ANKS1B: variants seen among roughly 807,000 people sequenced by gnomAD.
ANKS1B encodes the protein ankyrin repeat and sterile alpha motif domain containing 1B.
ANKS1B carries 36 observed loss-of-function variants against 148.3 expected under a neutral mutation model. The ratio of observed to expected loss-of-function variants is 0.24; its 90% CI spans 0.19 to 0.32. The LOEUF is 0.32. Ranked by LOEUF, ANKS1B falls within the 10% of genes least tolerant of loss-of-function variation. The pLI is 1.00. For missense variants in ANKS1B, 1,157 were observed against 1,542.6 expected, an observed-to-expected ratio of 0.75 and a Z score of 4.19; for synonymous variants, 542 against 560.8, an observed-to-expected ratio of 0.97 and a Z score of 0.47.
At chr12:99,146,990 C>T (rs1263267078) in intron 15 of ANKS1B, among the ~76,000 whole-genome samples, 2 of 152,118 alleles carry the variant, frequency 1.3e-5, no homozygotes, top group African/African-American at 4.8e-5. Flanking sequence ...TGGCTGCTTT[C>T]ATGCTACAAT....
At chr12:99,461,275 G>T (rs2152856350) in intron 10 of ANKS1B, among the ~76,000 whole-genome samples, 1 of 152,238 alleles carries the variant, frequency 6.6e-6, no homozygotes, top group Non-Finnish European at 1.5e-5. Context: ...GAGACTCAGG[G>T]GAAAGAGTGG....
intron 1 of ANKS1B, among the ~76,000 whole-genome samples, chr12:99,943,367 G>A (rs1312076793): frequency 3.9e-5 from 6 of 152,182 alleles, no homozygotes; most frequent in Non-Finnish European, 8.8e-5. Flanking sequence ...GCCCAGTGCA[G>A]ATACCAGAGA....
chr12:99,579,061 T>C (rs1029283410), intron 9 of ANKS1B, among the ~76,000 whole-genome samples: 2 of 152,056 alleles, frequency 1.3e-5, no homozygotes, highest in African/African-American at 4.8e-5. Flanking sequence ...TAAAACCAAC[T>C]GATCTTCAAA....
At chr12:98,938,592 A>G (rs1181045780) in intron 17 of ANKS1B, among the ~76,000 whole-genome samples, 4 of 152,250 alleles carry the variant, frequency 2.6e-5, no homozygotes, top group African/African-American at 9.6e-5. Context: ...ATGCAACTGC[A>G]GTTGTGAAAG....
At chr12:99,212,697 C>T (rs546496875) in intron 14 of ANKS1B, among the ~76,000 whole-genome samples, 1 of 152,146 alleles carries the variant, frequency 6.6e-6, no homozygotes, top group African/African-American at 2.4e-5. Context: ...TTTTGAGGGT[C>T]AAAGACAATT....
Position 98,835,097 on chromosome 12 carries a change from A to AATTATTATTATTATT in ANKS1B, c.2779-2976_2779-2962dup, listed in dbSNP as rs72558205. 7.6e-4 allele frequency among the ~76,000 whole-genome samples: 113 copies of AATTATTATTATTATT among 148,968 alleles called. 1 individual carries two copies. The highest frequency in any genetic ancestry group is 2.2e-3 in the South Asian group (10 of 4,646). On this transcript the variant is annotated intron_variant, in intron 17 of 26. Transcript: ENST00000683438. ...TTTTTTATAATAAAGACATTTGCTT[A>AATTATTATTATTATT]ATTATTATTATTATTATTATTATTA...
chr12:99,534,945 G>A (rs1189447276), intron 9 of ANKS1B, among the ~76,000 whole-genome samples: 3 of 151,938 alleles, frequency 2.0e-5, no homozygotes, highest in East Asian at 1.9e-4. Context: ...TCCTGACCTC[G>A]TGATCTGACC....
At chr12:99,878,679 C>T (rs186040148) in intron 1 of ANKS1B, among the ~76,000 whole-genome samples, 2 of 151,962 alleles carry the variant, frequency 1.3e-5, no homozygotes, top group East Asian at 3.9e-4. Flanking sequence ...TTTTAAGTTC[C>T]GGGATACATG....
rs1021297456 is a variant in ANKS1B, at chr12:99,399,515, T to A, written c.1756+116A>T. 3 of 1,062,494 alleles carry A rather than the reference T, an allele frequency of 2.8e-6. No individual in the cohort carries two copies. In the African/African-American group the frequency reaches 4.8e-5, roughly 17 times the overall value. 65.8% of individuals were successfully genotyped at this position (1,062,494 alleles called of 1,614,324 possible). The stretch of plus-strand genomic sequence containing the variant: ...TCTTAAAGCCCTACATTGCCACACA[T>A]GGAGGTGAACTAAAAACACAATGCA... On this transcript the variant is annotated intron_variant, in intron 12 of 26. Coordinates refer to ENST00000683438, the MANE Select transcript of ANKS1B (RefSeq NM_001352186.2).
At chr12:98,795,800 C>A (rs1284135642) in intron 22 of ANKS1B, among the ~76,000 whole-genome samples, 1 of 152,206 alleles carries the variant, frequency 6.6e-6, no homozygotes, top group Non-Finnish European at 1.5e-5. Flanking sequence ...GTTTCAAATC[C>A]TGGCTCTGCC....
intron 12 of ANKS1B, among the ~76,000 whole-genome samples, chr12:99,316,902 C>T (rs2084216809): frequency 6.6e-6 from 1 of 152,190 alleles, no homozygotes; most frequent in Non-Finnish European, 1.5e-5. Context: ...AGCCAGTTTT[C>T]CCAGCACCAT....
chr12:99,062,028 G>T lies in ANKS1B; in HGVS notation c.2626-8719C>A, dbSNP rs562595574. Among the ~76,000 whole-genome samples, 6 of 152,274 alleles carry T rather than the reference G, an allele frequency of 3.9e-5. No individual in the cohort carries two copies. In the South Asian group the frequency reaches 1.2e-3, roughly 32 times the overall value. ...AAAAGAAAATAGACTGGGATGACAT[G>T]AATAATTTTGAGACATGAGAAATTT... On this transcript the variant is annotated intron_variant, in intron 16 of 26. Coordinates refer to ENST00000683438, the MANE Select transcript of ANKS1B (RefSeq NM_001352186.2).
intron 4 of ANKS1B, among the ~76,000 whole-genome samples, chr12:99,801,078 A>G (rs1269606203): frequency 2.6e-5 from 4 of 152,068 alleles, no homozygotes; most frequent in Non-Finnish European, 4.4e-5. Context: ...TTCCACTTAT[A>G]TGAGTTGAGT....
At chr12:99,893,224 C>T (rs932770954) in intron 1 of ANKS1B, among the ~76,000 whole-genome samples, 6 of 151,984 alleles carry the variant, frequency 3.9e-5, no homozygotes, top group African/African-American at 1.4e-4. Flanking sequence ...TCCTGGATAA[C>T]ACAGTGAAAC....
At chr12:99,693,132 A>G (rs1052290810) in intron 8 of ANKS1B, among the ~76,000 whole-genome samples, 1 of 152,222 alleles carries the variant, frequency 6.6e-6, no homozygotes, top group African/African-American at 2.4e-5. Flanking sequence ...GGGAAGAATA[A>G]GGAAAAATAG....
chr12:99,871,743 T>A (rs2091542051), intron 1 of ANKS1B, among the ~76,000 whole-genome samples: 1 of 152,164 alleles, frequency 6.6e-6, no homozygotes, highest in South Asian at 2.1e-4. Flanking sequence ...GAAATGTTAC[T>A]GATCTTTCCA....
intron 1 of ANKS1B, among the ~76,000 whole-genome samples, chr12:99,924,815 C>A (rs538251862): frequency 1.9e-4 from 29 of 152,106 alleles, no homozygotes; most frequent in Non-Finnish European, 3.7e-4. Flanking sequence ...TCAATGGTAT[C>A]TTATTATAGC....
chr12:99,326,514 T>C (rs1423647010), intron 12 of ANKS1B, among the ~76,000 whole-genome samples: 1 of 152,066 alleles, frequency 6.6e-6, no homozygotes, highest in African/African-American at 2.4e-5. Flanking sequence ...CTCTCTGTTT[T>C]TGAATCTTAA....
intron 1 of ANKS1B, among the ~76,000 whole-genome samples, chr12:99,839,278 A>T (rs915713494): frequency 1.3e-5 from 2 of 152,200 alleles, no homozygotes; most frequent in African/African-American, 4.8e-5. Context: ...TAATTGCATT[A>T]AACTTATAGA....
Sources: allele counts gnomAD v4.1 joint callset (sites outside exome capture counted in the v4.1 genomes callset), GRCh38; gene constraint gnomAD v4.1.1; transcripts MANE v1.5; gene names NCBI Gene and HGNC (gene_info 2026-07-23, HGNC 2026-07-21).